The following LMNB1 variants were observed in gnomAD, a reference collection of about 807,000 sequenced individuals.
LMNB1 encodes the protein lamin B1.
LMNB1 carries 23 observed loss-of-function variants against 67.1 expected under a neutral mutation model. The observed-to-expected ratio is 0.34, with a 90% CI of 0.25 to 0.49. The LOEUF is 0.49. Among genes scored for constraint, LMNB1 ranks in the 20% least tolerant of loss-of-function variants. The pLI is 0.99. For synonymous variants in LMNB1, 281 were observed against 282.9 expected (o/e 0.99, Z 0.07); for missense variants, 634 against 746.5 (o/e 0.85, Z 1.76).
At chr5:126,815,955 A>G (rs1751693818) in intron 5 of LMNB1, among the ~76,000 whole-genome samples, 1 of 152,210 alleles carries the variant, frequency 6.6e-6, no homozygotes. Flanking sequence ...TTGGGTTTAT[A>G]AATCTCGGCT....
chr5:126,832,990 CTTTTAT>C (rs992653232), intron 10 of LMNB1, among the ~76,000 whole-genome samples, 189 bp downstream of exon 10: 8 of 152,110 alleles, frequency 5.3e-5, no homozygotes, highest in Admixed American at 2.6e-4. Flanking sequence ...TATGTTGGCA[CTTTTAT>C]TTTTATTTTT....
chr5:126,810,224 G>A lies in LMNB1; in HGVS notation c.687G>A (p.Glu229=), dbSNP rs1032291661. ...TRRKHETRLV[E]VDSGRQIEYE... ...GGAAGCATGAAACGCGCTTGGTAGA[G>A]GTGGATTCTGGGCGTCAAATTGAGT... The change falls in exon 4 of 11, where the codon GAG becomes GAA. Residue 229 remains glutamate, a synonymous_variant. Transcript: ENST00000261366. 4 of 1,613,762 alleles carry A rather than the reference G, an allele frequency of 2.5e-6. No individual in the cohort carries two copies. The highest frequency in any genetic ancestry group is 2.7e-5 in the African/African-American group (2 of 74,910).
Position 126,804,948 on chromosome 5 carries a change from C to G in LMNB1, c.516+16C>G. On this transcript the variant is annotated intron_variant, in intron 2 of 10. Coordinates refer to ENST00000261366, the MANE Select transcript of LMNB1 (RefSeq NM_005573.4). ...GATTGCCCAGGTAAGGTCAAGCCTA[C>G]TCTTGAGCCGTATGTGACAGGTTAA... is the stretch of plus-strand genomic sequence containing the variant. 1 of 1,611,148 alleles carries G rather than the reference C, an allele frequency of 6.2e-7. No individual in the cohort carries two copies. Among genetic ancestry groups the G allele is most frequent in the African/African-American group, 1.3e-5 (1 of 74,912 alleles).
At chr5:126,794,105 T>C (rs548454670) in intron 1 of LMNB1, among the ~76,000 whole-genome samples, 7 of 152,118 alleles carry the variant, frequency 4.6e-5, no homozygotes, top group South Asian at 4.2e-4. Context: ...CAGCCAACTT[T>C]TGTATTTTTG....
At chr5:126,788,222 G>A (rs1750858951) in intron 1 of LMNB1, among the ~76,000 whole-genome samples, 2 of 152,178 alleles carry the variant, frequency 1.3e-5, no homozygotes. Flanking sequence ...TGAATTAGTG[G>A]TGTTTGCCGG....
rs70997314 is a variant in LMNB1, at chr5:126,795,933, C to CTTTTTTTTTTTTTTT, written c.360-8841_360-8827dup. On this transcript the variant is annotated intron_variant, in intron 1 of 10. Transcript: ENST00000261366. ...GAGCCACTGCGCCTGGCCCAGGATG[C>CTTTTTTTTTTTTTTT]TTTTTTTTTTTTTTTTGAGACGGAG... Among the ~76,000 whole-genome samples, 159 of 82,074 alleles carry CTTTTTTTTTTTTTTT rather than the reference C, an allele frequency of 1.9e-3. 26 individuals are homozygous for CTTTTTTTTTTTTTTT. Among genetic ancestry groups the CTTTTTTTTTTTTTTT allele is most frequent in the African/African-American group, 5.7e-3 (126 of 22,152 alleles). The allele number at this position is 82,074 out of a possible 152,430, so 53.8% of individuals were successfully genotyped here.
chr5:126,808,218 C>G (rs1363196643), intron 3 of LMNB1, among the ~76,000 whole-genome samples: 1 of 151,550 alleles, frequency 6.6e-6, no homozygotes, highest in Non-Finnish European at 1.5e-5. Context: ...GAGTCTCACT[C>G]TGTTGCCCAG....
intron 9 of LMNB1, 115 bp downstream of exon 9, chr5:126,826,222 G>T: frequency 8.3e-7 from 1 of 1,208,866 alleles, no homozygotes; most frequent in Non-Finnish European, 1.2e-6. Flanking sequence ...ACAGACCAAA[G>T]CTGCTAAGTT....
intron 1 of LMNB1, among the ~76,000 whole-genome samples, chr5:126,794,492 C>T (rs900508686): frequency 6.6e-6 from 1 of 152,104 alleles, no homozygotes; most frequent in African/African-American, 2.4e-5. Context: ...TATTTTTTCT[C>T]TAAAGGTCTG....
At chr5:126,814,301 T>C (rs967446946) in intron 5 of LMNB1, among the ~76,000 whole-genome samples, 10 of 152,244 alleles carry the variant, frequency 6.6e-5, no homozygotes, top group Non-Finnish European at 1.3e-4. Flanking sequence ...AGTTGTCTAC[T>C]AGTTACTGTC....
intron 1 of LMNB1, among the ~76,000 whole-genome samples, chr5:126,801,293 A>G (rs890217000): frequency 6.6e-6 from 1 of 152,064 alleles, no homozygotes; most frequent in East Asian, 1.9e-4. Context: ...TTCATAGAAC[A>G]GTGTTTTATG....
rs1750502102 is a variant in LMNB1, at chr5:126,777,708, G to A, written c.200G>A (p.Arg67His). The change falls in exon 1 of 11, where the codon CGC (arginine) becomes CAC (histidine). Residue 67 changes from arginine to histidine, a missense_variant. By Grantham distance (29) the Arg-to-His change is conservative (BLOSUM62 0). Coordinates refer to ENST00000261366, the MANE Select transcript of LMNB1 (RefSeq NM_005573.4). ...GCGCTGCAGCTGCAGGTGACGGAGC[G>A]CGAGGAGGTGCGCGGCCGTGAGCTC... ...NSALQLQVTE[R>H]EEVRGRELTG... The A allele has an allele frequency of 6.5e-7, 1 of 1,544,842 alleles. No individual in the cohort carries two copies. Among genetic ancestry groups the A allele is most frequent in the East Asian group, 2.5e-5 (1 of 40,290 alleles).
In LMNB1 at chr5:126,777,146, G is replaced by A. The variant is rs896012723; in HGVS notation, c.-363G>A. The A allele has an allele frequency of 3.8e-5, 6 of 157,562 alleles. No individual in the cohort carries two copies. The highest frequency in any genetic ancestry group is 1.4e-4 in the African/African-American group (6 of 41,488). The allele number at this position is 157,562 out of a possible 1,614,324, so 9.8% of individuals were successfully genotyped here. A position where few individuals can be genotyped will look rare whatever the true frequency, so the allele number is the denominator to read the frequency against. Reference sequence around the variant, plus strand: ...CTCCCCCCGCCCGCCGCTCCGTGCAGCCTGAGAGGAAACAAAGTGCTGCGA... The same window carrying A: ...CTCCCCCCGCCCGCCGCTCCGTGCAACCTGAGAGGAAACAAAGTGCTGCGA... On this transcript the variant is annotated 5_prime_UTR_variant, in exon 1 of 11. Coordinates refer to ENST00000261366, the MANE Select transcript of LMNB1 (RefSeq NM_005573.4).
At chr5:126,794,858 T>C (rs191630357) in intron 1 of LMNB1, among the ~76,000 whole-genome samples, 1 of 152,320 alleles carries the variant, frequency 6.6e-6, no homozygotes, top group Admixed American at 6.5e-5. Flanking sequence ...TCCTGTAATA[T>C]ATTTGTTTTT....
chr5:126,795,154 A>C (rs555793089), intron 1 of LMNB1, among the ~76,000 whole-genome samples: 1 of 128,564 alleles, frequency 7.8e-6, no homozygotes, highest in East Asian at 2.1e-4. Flanking sequence ...TTAAATAAGG[A>C]TCTTGCTCTG....
intron 1 of LMNB1, among the ~76,000 whole-genome samples, chr5:126,781,943 G>A (rs1031875775): frequency 6.6e-6 from 1 of 152,178 alleles, no homozygotes; most frequent in Non-Finnish European, 1.5e-5. Flanking sequence ...TTCCATGCAG[G>A]TGGTGTCTGA....
At chr5:126,787,088 A>T (rs1031037252) in intron 1 of LMNB1, among the ~76,000 whole-genome samples, 26 of 152,212 alleles carry the variant, frequency 1.7e-4, no homozygotes, top group African/African-American at 6.3e-4. Flanking sequence ...GGAATAGAGA[A>T]ATGGGATACT....
intron 1 of LMNB1, among the ~76,000 whole-genome samples, chr5:126,803,627 A>G (rs573798641): frequency 6.6e-6 from 1 of 151,038 alleles, no homozygotes; most frequent in Non-Finnish European, 1.5e-5. Flanking sequence ...GCTCACTGCA[A>G]CCTCCACCTC....
At chr5:126,805,843 A>C (rs1751403859) in intron 3 of LMNB1, 147 bp downstream of exon 3, 1 of 610,020 alleles carries the variant, frequency 1.6e-6, no homozygotes, top group Non-Finnish European at 2.6e-6. Flanking sequence ...GGGGATGGGG[A>C]GAAATTTTGC....
Sources: gnomAD v4.1 joint callset for allele counts (sites outside exome capture counted in the v4.1 genomes callset) on GRCh38, gnomAD v4.1.1 for gene constraint, MANE v1.5 for transcripts, NCBI Gene and HGNC (gene_info 2026-07-23, HGNC 2026-07-21) for gene names.